Variants in DCC observed in about 807,000 individuals in gnomAD.
DCC encodes the protein netrin receptor DCC.
A neutral mutation model predicts 172.5 loss-of-function variants in DCC; 58 were observed. The observed-to-expected ratio is 0.34, with a 90% confidence interval of 0.27 to 0.42. DCC has a LOEUF of 0.42. DCC is among the 10% of genes least tolerant of loss of function. DCC has a pLI of 1.00. For missense variants in DCC, 1,740 were observed against 1,791.0 expected, an observed-to-expected ratio of 0.97 and a Z score of 0.51; for synonymous variants, 709 against 644.5, an observed-to-expected ratio of 1.10 and a Z score of -1.52.
chr18:52,410,064 G>A (rs1362772827), intron 1 of DCC, among the ~76,000 whole-genome samples: 3 of 152,092 alleles, frequency 2.0e-5, no homozygotes, highest in African/African-American at 7.2e-5. Flanking sequence ...TCAGTGTTTT[G>A]CAAAGTCATG....
intron 1 of DCC, among the ~76,000 whole-genome samples, chr18:52,430,238 G>C (rs1311074800): frequency 6.6e-6 from 1 of 152,044 alleles, no homozygotes; most frequent in Non-Finnish European, 1.5e-5. Context: ...TGACAGTCAA[G>C]TGAAAGGCAA....
intron 7 of DCC, among the ~76,000 whole-genome samples, chr18:53,151,646 A>T (rs576488826): frequency 8.7e-5 from 13 of 149,686 alleles, no homozygotes; most frequent in African/African-American, 2.9e-4. Context: ...ATTAAAAACA[A>T]ATAAATAAAT....
intron 1 of DCC, among the ~76,000 whole-genome samples, chr18:52,442,602 A>T (rs1988002991): frequency 6.6e-6 from 1 of 152,204 alleles, no homozygotes; most frequent in Non-Finnish European, 1.5e-5. Context: ...ACTCTTTCTT[A>T]GCTTTCCCCA....
intron 1 of DCC, among the ~76,000 whole-genome samples, chr18:52,674,747 A>G (rs1052799197): frequency 2.0e-5 from 3 of 152,216 alleles, no homozygotes; most frequent in Non-Finnish European, 4.4e-5. Context: ...GTTGAAGCAA[A>G]GTGTAAACCA....
At chr18:53,025,060 C>T (rs2041937613) in intron 5 of DCC, among the ~76,000 whole-genome samples, 1 of 151,968 alleles carries the variant, frequency 6.6e-6, no homozygotes, top group Non-Finnish European at 1.5e-5. Flanking sequence ...CTTGAAAATG[C>T]TTGAATTTCA....
At chr18:52,694,953 T>C (rs1365821500) in intron 1 of DCC, among the ~76,000 whole-genome samples, 1 of 152,184 alleles carries the variant, frequency 6.6e-6, no homozygotes, top group Admixed American at 6.6e-5. Flanking sequence ...GGATGCTCTT[T>C]TGTACACCAC....
At chr18:52,772,060 T>C (rs995249543) in intron 2 of DCC, among the ~76,000 whole-genome samples, 1 of 152,164 alleles carries the variant, frequency 6.6e-6, no homozygotes, top group African/African-American at 2.4e-5. Flanking sequence ...CCTAATGTGG[T>C]TGTTTACTCA....
rs1339989982 is a variant in DCC at position 52,572,686 on chromosome 18, G to A, written c.92-179368G>A. On this transcript the variant is annotated intron_variant, in intron 1 of 28. Coordinates refer to ENST00000442544, the MANE Select transcript of DCC (RefSeq NM_005215.4). ...CTTCACCTCCCATTCTTGACGTGGG[G>A]ATCCAGAGCATGGGCAGACCAAGAA... 3.9e-5 allele frequency among the ~76,000 whole-genome samples: 6 copies of A among 152,292 alleles called. No homozygotes were observed. In the East Asian group the frequency reaches 1.2e-3, roughly 29 times the overall value.
intron 1 of DCC, among the ~76,000 whole-genome samples, chr18:52,490,162 C>T (rs1447244978): frequency 6.6e-6 from 1 of 151,990 alleles, no homozygotes; most frequent in African/African-American, 2.4e-5. Flanking sequence ...AAAAGCAGCA[C>T]AAGATGTGGT....
chr18:53,165,227 A>G (rs1190900548), intron 8 of DCC, among the ~76,000 whole-genome samples: 3 of 152,186 alleles, frequency 2.0e-5, no homozygotes, highest in African/African-American at 7.2e-5. Flanking sequence ...GTTTTGTGGC[A>G]GAACAAAGGC....
intron 27 of DCC, among the ~76,000 whole-genome samples, chr18:53,514,259 CAA>C (rs1303661562): frequency 6.6e-6 from 1 of 151,860 alleles, no homozygotes; most frequent in Non-Finnish European, 1.5e-5. Context: ...CCAACGAGAA[CAA>C]AGACACAACA....
intron 1 of DCC, among the ~76,000 whole-genome samples, chr18:52,536,738 C>A (rs1026545337): frequency 1.3e-5 from 2 of 152,142 alleles, no homozygotes; most frequent in Non-Finnish European, 1.5e-5. Context: ...TTCAAGCTAG[C>A]GTGACTTTTC....
Position 53,133,046 on chromosome 18 carries a change from C to T in DCC, c.1262-24310C>T, listed in dbSNP as rs114691113. On this transcript the variant is annotated intron_variant, in intron 7 of 28. Transcript: ENST00000442544. ...TGTTAGAGTTTGTTTAGCCACAGGCCTACTATTAGGGAAGTACTAACTCCC... is the reference window on the plus strand; with the variant it reads ...TGTTAGAGTTTGTTTAGCCACAGGCTTACTATTAGGGAAGTACTAACTCCC... Among the ~76,000 whole-genome samples the T allele has an allele frequency of 6.8e-3, 1,034 of 152,276 alleles. 16 individuals are homozygous for T. Among genetic ancestry groups the T allele is most frequent in the African/African-American group, 0.023 (960 of 41,580 alleles).
intron 1 of DCC, among the ~76,000 whole-genome samples, chr18:52,702,038 C>G (rs1015474897): frequency 6.6e-6 from 1 of 152,148 alleles, no homozygotes; most frequent in African/African-American, 2.4e-5. Context: ...TATATAAGCC[C>G]TGGGGGGTAA....
chr18:53,369,059 T>C (rs1041555045), intron 15 of DCC, among the ~76,000 whole-genome samples: 1 of 152,010 alleles, frequency 6.6e-6, no homozygotes, highest in African/African-American at 2.4e-5. Context: ...ATAGTTCTTC[T>C]AGTACGTGAA....
intron 14 of DCC, among the ~76,000 whole-genome samples, chr18:53,336,120 A>C (rs1241189693): frequency 1.3e-5 from 2 of 152,158 alleles, no homozygotes; most frequent in African/African-American, 4.8e-5. Flanking sequence ...TTTGGTTTCA[A>C]ATTAACTCAA....
intron 5 of DCC, among the ~76,000 whole-genome samples, chr18:52,972,171 G>T (rs1568219909): frequency 6.6e-6 from 1 of 152,154 alleles, no homozygotes. Context: ...AAACCGTAGG[G>T]CAGAGGATAT....
At chr18:53,444,766 A>T (rs570631312) in intron 22 of DCC, among the ~76,000 whole-genome samples, 3 of 152,232 alleles carry the variant, frequency 2.0e-5, no homozygotes, top group Non-Finnish European at 4.4e-5. Context: ...AGACCAAAAA[A>T]CTAGTGCAAC....
intron 12 of DCC, among the ~76,000 whole-genome samples, chr18:53,245,574 C>G (rs1330259973): frequency 6.6e-6 from 1 of 151,994 alleles, no homozygotes; most frequent in African/African-American, 2.4e-5. Flanking sequence ...AGAAAAACAT[C>G]AGATATGTCG....
Sources: gnomAD v4.1 joint callset for allele counts (sites outside exome capture counted in the v4.1 genomes callset) on GRCh38, gnomAD v4.1.1 for gene constraint, MANE v1.5 for transcripts, NCBI Gene and HGNC (gene_info 2026-07-23, HGNC 2026-07-21) for gene names.